Variants in ALKBH8 observed in about 807,000 individuals in gnomAD.
ALKBH8 encodes alkB homolog 8, tRNA methyltransferase, also known as tRNA (carboxymethyluridine(34)-5-O)-methyltransferase ALKBH8.
A neutral mutation model predicts 59.8 loss-of-function variants in ALKBH8; 36 were observed. The ratio of observed to expected loss-of-function variants is 0.60; its 90% CI spans 0.46 to 0.79. The LOEUF is 0.79. ALKBH8 is among the 30% of genes least tolerant of loss of function. The pLI, the probability that ALKBH8 is intolerant of heterozygous loss-of-function variation, is 0.00. For missense variants in ALKBH8, 768 were observed against 801.0 expected, an observed-to-expected ratio of 0.96 and a Z score of 0.50; for synonymous variants, 276 against 273.6, an observed-to-expected ratio of 1.01 and a Z score of -0.09.
At chr11:107,524,209 C>T (rs996923716) in intron 9 of ALKBH8, among the ~76,000 whole-genome samples, 2 of 152,176 alleles carry the variant, frequency 1.3e-5, no homozygotes, top group South Asian at 2.1e-4. Context: ...CAGGCACACA[C>T]CACCATGCCT....
chr11:107,556,717 G>A (rs545827577), intron 3 of ALKBH8, 49 bp downstream of exon 3: 736 of 1,297,014 alleles, frequency 5.7e-4, no homozygotes, highest in Non-Finnish European at 7.1e-4. Flanking sequence ...TCTATGAAAA[G>A]AAAACACCCA....
chr11:107,522,995 C>T (rs954739585), intron 9 of ALKBH8, among the ~76,000 whole-genome samples: 6 of 151,810 alleles, frequency 4.0e-5, no homozygotes, highest in Admixed American at 2.6e-4. Context: ...AGGTTCAATC[C>T]CCTCTCGTAT....
At chr11:107,519,688 A>G (rs1158941728) in intron 10 of ALKBH8, among the ~76,000 whole-genome samples, 5 of 152,186 alleles carry the variant, frequency 3.3e-5, no homozygotes, top group Admixed American at 6.5e-5. Flanking sequence ...AAATCCTCCA[A>G]TGAACATCTC....
At chr11:107,546,198 T>C (rs768377405) in intron 7 of ALKBH8, among the ~76,000 whole-genome samples, 5 of 152,208 alleles carry the variant, frequency 3.3e-5, no homozygotes, top group East Asian at 1.9e-4. Context: ...TTATTTATAA[T>C]AGAAGTTAGG....
chr11:107,508,987 G>A (rs1190781932), intron 11 of ALKBH8, among the ~76,000 whole-genome samples: 4 of 152,304 alleles, frequency 2.6e-5, no homozygotes, highest in Non-Finnish European at 2.9e-5. Flanking sequence ...ATAAATATCT[G>A]TTCAAGTCTC....
chr11:107,520,656 T>C (rs1056216616), intron 10 of ALKBH8, among the ~76,000 whole-genome samples: 3 of 152,214 alleles, frequency 2.0e-5, no homozygotes, highest in African/African-American at 7.2e-5. Flanking sequence ...CAAAGATCTA[T>C]TTCCTCTTCA....
At chr11:107,532,017 T>C (rs965338833) in intron 8 of ALKBH8, among the ~76,000 whole-genome samples, 6 of 152,134 alleles carry the variant, frequency 3.9e-5, no homozygotes, top group African/African-American at 1.4e-4. Flanking sequence ...TGATAACATA[T>C]GTGAGAGAGA....
At chr11:107,553,309 C>A in intron 4 of ALKBH8, 106 bp from the exon 5 acceptor site, 1 of 616,048 alleles carries the variant, frequency 1.6e-6, no homozygotes, top group Non-Finnish European at 2.7e-6. Flanking sequence ...ATGGCAACTT[C>A]TGTTAATTGG....
chr11:107,562,918 T>C (rs889576764), intron 1 of ALKBH8: 19 of 152,042 alleles, frequency 1.2e-4, no homozygotes, highest in Admixed American at 7.9e-4. Flanking sequence ...TACCCAGATA[T>C]GAGGGAGACA....
Position 107,553,990 on chromosome 11 carries a change from C to T in ALKBH8, c.368-12G>A, listed in dbSNP as rs1377263191. On this transcript the variant is annotated splice_polypyrimidine_tract_variant and intron_variant, in intron 3 of 11. Transcript: ENST00000428149. ...CTCCTTCCACTGCACTATGGGAAAC[C>T]AAATTAAAATAGTCACATGCAAAAC... The T allele has an allele frequency of 6.2e-7, 1 of 1,612,704 alleles. No individual in the cohort carries two copies.
At position 107,510,904 on chromosome 11, in the gene ALKBH8, G is replaced by A. The variant is rs183627082; in HGVS notation, c.1420C>T (p.His474Tyr). The A allele has an allele frequency of 1.3e-6, 2 of 1,551,410 alleles. No individual in the cohort carries two copies. Among genetic ancestry groups the A allele is most frequent in the Non-Finnish European group, 1.7e-6 (2 of 1,146,846 alleles). The change falls in exon 11 of 12, where the codon CAT (histidine) becomes TAT (tyrosine). Residue 474 changes from histidine to tyrosine, a missense_variant. His to Tyr is a moderately conservative substitution (Grantham distance 83, BLOSUM62 2). Coordinates refer to ENST00000428149, the MANE Select transcript of ALKBH8 (RefSeq NM_138775.3). ...CDACISIAVI[H>Y]HFATAERRVA... ...ATACTTACTGCTGTTGCAAAATGATGAATAACAGCAATGGAGATGCAGGCA... is the reference window on the plus strand; with the variant it reads ...ATACTTACTGCTGTTGCAAAATGATAAATAACAGCAATGGAGATGCAGGCA...
At chr11:107,563,284 T>C (rs1240603932) in intron 1 of ALKBH8, among the ~76,000 whole-genome samples, 1 of 152,240 alleles carries the variant, frequency 6.6e-6, no homozygotes, top group African/African-American at 2.4e-5. Flanking sequence ...GTGAGCTTTC[T>C]GAAGGCGGGA....
Position 107,519,474 on chromosome 11 carries a change from T to C in ALKBH8, c.1287+2825A>G, listed in dbSNP as rs487086. On this transcript the variant is annotated intron_variant, in intron 10 of 11. Transcript: ENST00000428149. ...AAGAAAATATGCAACTGTAGGAAAA[T>C]CAGACTGGTAATATACAGTTTAAAG... Among the ~76,000 whole-genome samples, 536 of 152,186 alleles carry C rather than the reference T, an allele frequency of 3.5e-3. 2 individuals carry two copies. The highest frequency in any genetic ancestry group is 0.011 in the African/African-American group (457 of 41,514).
chr11:107,523,583 A>G (rs957399753), intron 9 of ALKBH8, among the ~76,000 whole-genome samples: 2 of 149,408 alleles, frequency 1.3e-5, no homozygotes, highest in African/African-American at 4.9e-5. Flanking sequence ...ATTCTTGAAA[A>G]TCACTATGAG....
rs548162559 is a variant in ALKBH8, at chr11:107,535,147, C to CTCGT, written c.772-2745_772-2742dup. ...ATATATACCACATTTTCTTTATCCA[C>CTCGT]TCGTTGATTGATGGGCATTTGGGCT... On this transcript the variant is annotated intron_variant, in intron 7 of 11. Coordinates refer to ENST00000428149, the MANE Select transcript of ALKBH8 (RefSeq NM_138775.3). Among the ~76,000 whole-genome samples the CTCGT allele has an allele frequency of 2.0e-3, 308 of 152,262 alleles. 1 individual carries two copies. Among genetic ancestry groups the CTCGT allele is most frequent in the African/African-American group, 7.2e-3 (299 of 41,558 alleles).
chr11:107,565,634 C>A lies in ALKBH8; in HGVS notation c.-40G>T, dbSNP rs1366249561. ...CGGCTCAGGCCGGATTCTCACCATGCGTGTGCCTTCTTCTTTGCCAGCCTC... is the reference window on the plus strand; with the variant it reads ...CGGCTCAGGCCGGATTCTCACCATGAGTGTGCCTTCTTCTTTGCCAGCCTC... On this transcript the variant is annotated 5_prime_UTR_variant, in exon 1 of 12. Transcript: ENST00000428149. The A allele has an allele frequency of 6.5e-7, 1 of 1,535,708 alleles. No individual in the cohort carries two copies. Among genetic ancestry groups the A allele is most frequent in the South Asian group, 1.2e-5 (1 of 84,068 alleles).
At chr11:107,515,095 C>G (rs571038331) in intron 10 of ALKBH8, among the ~76,000 whole-genome samples, 7 of 152,070 alleles carry the variant, frequency 4.6e-5, no homozygotes, top group Non-Finnish European at 1.0e-4. Flanking sequence ...GTACTTTCAT[C>G]TTTTACTTTT....
At chr11:107,529,891 T>C (rs1459841506) in intron 8 of ALKBH8, among the ~76,000 whole-genome samples, 2 of 152,082 alleles carry the variant, frequency 1.3e-5, no homozygotes, top group Non-Finnish European at 2.9e-5. Flanking sequence ...AAGCACAGTG[T>C]TAAATGACAA....
At chr11:107,525,346 T>C (rs1444873301) in intron 9 of ALKBH8, 95 bp downstream of exon 9, 4 of 1,169,684 alleles carry the variant, frequency 3.4e-6, no homozygotes, top group Non-Finnish European at 3.4e-6. Context: ...ATTAGAGAGA[T>C]TCAGAAAAAG....
Sources: allele counts gnomAD v4.1 joint callset (sites outside exome capture counted in the v4.1 genomes callset), GRCh38; gene constraint gnomAD v4.1.1; transcripts MANE v1.5; gene names NCBI Gene and HGNC (gene_info 2026-07-23, HGNC 2026-07-21).